Variants in RXFP2 observed in about 807,000 individuals in gnomAD.
The protein encoded by RXFP2 is relaxin receptor 2.
RXFP2 carries 68 observed loss-of-function variants against 88.6 expected under a neutral mutation model. The observed-to-expected ratio is 0.77, with a 90% confidence interval of 0.63 to 0.94. RXFP2 has a LOEUF of 0.94. Among genes scored for constraint, RXFP2 ranks in the 40% least tolerant of loss-of-function variants. RXFP2 has a pLI of 0.00. For synonymous variants in RXFP2, 329 were observed against 306.8 expected (o/e 1.07, Z -0.76); for missense variants, 791 against 893.9 (o/e 0.88, Z 1.47).
At chr13:31,760,935 G>A (rs1405412671) in intron 2 of RXFP2, among the ~76,000 whole-genome samples, 1 of 152,022 alleles carries the variant, frequency 6.6e-6, no homozygotes, top group Non-Finnish European at 1.5e-5. Flanking sequence ...TTGAGGAAAT[G>A]TTATTTTACT....
In RXFP2 at chr13:31,776,255, T is replaced by TC. The variant is rs1413165894; in HGVS notation, c.641+866_641+867insC. On this transcript the variant is annotated intron_variant, in intron 7 of 17. Transcript: ENST00000298386. ...CTTTTTTCCTTCCCTCTTTCCTTCTTTTTTTTTTTTTTTTTTTTGAGACAG... is the reference window on the plus strand; with the variant it reads ...CTTTTTTCCTTCCCTCTTTCCTTCTTCTTTTTTTTTTTTTTTTTTGAGACAG... Among the ~76,000 whole-genome samples the TC allele has an allele frequency of 4.0e-3, 371 of 91,688 alleles. 3 individuals are homozygous for TC. Among genetic ancestry groups the TC allele is most frequent in the African/African-American group, 0.015 (326 of 21,400 alleles). The allele number at this position is 91,688 out of a possible 152,430, so 60.2% of individuals were successfully genotyped here. A position where few individuals can be genotyped will look rare whatever the true frequency, so the allele number is the denominator to read the frequency against.
chr13:31,756,227 G>T lies in RXFP2; in HGVS notation c.95-2031G>T, dbSNP rs541390409. Among the ~76,000 whole-genome samples the T allele has an allele frequency of 5.9e-5, 9 of 152,342 alleles. No homozygotes were observed. The East Asian group carries it at 1.7e-3, about 29-fold the overall frequency. Reference sequence around the variant, plus strand: ...TCCTGAGGGGCTTCTCTACAAGGCAGCATTTGCTTGAAGGGCTCAGGCCTC... The same window carrying T: ...TCCTGAGGGGCTTCTCTACAAGGCATCATTTGCTTGAAGGGCTCAGGCCTC... On this transcript the variant is annotated intron_variant, in intron 1 of 17. Transcript: ENST00000298386.
intron 7 of RXFP2, among the ~76,000 whole-genome samples, chr13:31,776,103 T>TCC (rs1302046549): frequency 7.2e-3 from 36 of 5,020 alleles, no homozygotes; most frequent in African/African-American, 0.014. Flanking sequence ...TTTCTTTTCT[T>TCC]TTCTTTCTTT....
chr13:31,774,483 T>C, intron 5 of RXFP2, 137 bp from the exon 6 acceptor site: 1 of 688,428 alleles, frequency 1.5e-6, no homozygotes, highest in Non-Finnish European at 2.7e-6. Flanking sequence ...ACTGACAACA[T>C]CTCCCCAACA....
At chr13:31,775,649 T>C (rs570020899) in intron 7 of RXFP2, among the ~76,000 whole-genome samples, 63 of 152,316 alleles carry the variant, frequency 4.1e-4, no homozygotes, top group African/African-American at 1.4e-3. Flanking sequence ...TCCCAAGAGT[T>C]GTGACAACTA....
At chr13:31,746,184 A>C (rs1303863901) in intron 1 of RXFP2, among the ~76,000 whole-genome samples, 3 of 152,238 alleles carry the variant, frequency 2.0e-5, no homozygotes, top group Admixed American at 2.0e-4. Context: ...CTGCACATTT[A>C]GGAAGCAGCC....
At chr13:31,779,243 A>T (rs1254038807) in intron 9 of RXFP2, among the ~76,000 whole-genome samples, 4 of 150,842 alleles carry the variant, frequency 2.7e-5, no homozygotes, top group African/African-American at 9.8e-5. Flanking sequence ...CTCCTGCCTC[A>T]GCCTCCCGAG....
chr13:31,802,683 A>C lies in RXFP2; in HGVS notation c.*278A>C. 1 of 443,578 alleles carries C rather than the reference A, an allele frequency of 2.3e-6. No individual in the cohort carries two copies. 27.5% of individuals were successfully genotyped at this position (443,578 alleles called of 1,614,324 possible). ...CTGAGGTGCAGCTGATCTCTAGCTA[A>C]TCAACACAACCCACCAACAAATGAC... On this transcript the variant is annotated 3_prime_UTR_variant, in exon 18 of 18. Transcript: ENST00000298386.
At chr13:31,771,557 G>A (rs1872735283) in intron 5 of RXFP2, among the ~76,000 whole-genome samples, 1 of 152,182 alleles carries the variant, frequency 6.6e-6, no homozygotes, top group African/African-American at 2.4e-5. Context: ...TTCAGAGGCT[G>A]AGGCAGGTGG....
chr13:31,739,655 T>C lies in RXFP2; in HGVS notation c.43T>C (p.Leu15=), dbSNP rs773809227. ...TTTTAAACATCTCTTCAGCCTCAGA[T>C]TGATTACAATGTTCTTTCTACTTCA... ...LVFKHLFSLR[L]ITMFFLLHFI... Residue 15 remains leucine (L), a synonymous_variant, in exon 1 of 18, where the codon TTG becomes CTG. Transcript: ENST00000298386. The C allele has an allele frequency of 6.2e-7, 1 of 1,610,058 alleles. No homozygotes were observed. The highest frequency in any genetic ancestry group is 8.5e-7 in the Non-Finnish European group (1 of 1,176,304).
At chr13:31,744,031 G>A (rs958181715) in intron 1 of RXFP2, among the ~76,000 whole-genome samples, 4 of 152,092 alleles carry the variant, frequency 2.6e-5, no homozygotes, top group African/African-American at 9.7e-5. Flanking sequence ...CTCCCCAGGG[G>A]CTTCCTGGAT....
intron 5 of RXFP2, among the ~76,000 whole-genome samples, chr13:31,766,978 C>T (rs1872575427): frequency 1.3e-5 from 2 of 152,142 alleles, no homozygotes; most frequent in African/African-American, 4.8e-5. Context: ...CAAGAGAATG[C>T]TGTACACGCT....
rs995379752 is a variant in RXFP2, at chr13:31,789,069, T to C, written c.1074-53T>C. On this transcript the variant is annotated intron_variant, in intron 13 of 17. Transcript: ENST00000298386. ...ATTTCGGATATGATGAAGAATGCAATTATTAAAACGTTTCATCTCAACACC... is the reference window on the plus strand; with the variant it reads ...ATTTCGGATATGATGAAGAATGCAACTATTAAAACGTTTCATCTCAACACC... 3.7e-6 allele frequency: 4 copies of C among 1,079,440 alleles called. No homozygotes were observed. The African/African-American group carries it at 4.7e-5, about 13-fold the overall frequency. The allele number at this position is 1,079,440 out of a possible 1,614,324, so 66.9% of individuals were successfully genotyped here.
chr13:31,739,786 T>C, intron 1 of RXFP2, 80 bp downstream of exon 1: 1 of 905,912 alleles, frequency 1.1e-6, no homozygotes, highest in South Asian at 1.3e-5. Context: ...GCAGTTGTAA[T>C]AAATATATTG....
intron 17 of RXFP2, among the ~76,000 whole-genome samples, chr13:31,800,455 C>G (rs1185401672): frequency 1.3e-5 from 2 of 152,128 alleles, no homozygotes; most frequent in Admixed American, 6.5e-5. Context: ...GCCTGTAGTC[C>G]CAGCTACTCA....
rs1874423743 is a variant in RXFP2 at position 31,802,849 on chromosome 13, C to T, written c.*444C>T. On this transcript the variant is annotated 3_prime_UTR_variant, in exon 18 of 18. Coordinates refer to ENST00000298386, the MANE Select transcript of RXFP2 (RefSeq NM_130806.5). ...TTGCCTTTTCAATATCAAATAAAACCATCAGCATCCTGCTGGATTGATAGC... is the reference window on the plus strand; with the variant it reads ...TTGCCTTTTCAATATCAAATAAAACTATCAGCATCCTGCTGGATTGATAGC... The T allele has an allele frequency of 5.7e-6, 1 of 175,484 alleles. No individual in the cohort carries two copies. The highest frequency in any genetic ancestry group is 1.2e-5 in the Non-Finnish European group (1 of 81,226). 10.9% of individuals were successfully genotyped at this position (175,484 alleles called of 1,614,324 possible). A position where few individuals can be genotyped will look rare whatever the true frequency, so the allele number is the denominator to read the frequency against.
chr13:31,746,071 A>G (rs1470161112), intron 1 of RXFP2, among the ~76,000 whole-genome samples: 2 of 152,232 alleles, frequency 1.3e-5, no homozygotes, highest in East Asian at 3.8e-4. Context: ...CAATACTTAC[A>G]TAATTATCGA....
At position 31,802,779 on chromosome 13, in the gene RXFP2, T is replaced by A. The variant is rs1173467189; in HGVS notation, c.*374T>A. On this transcript the variant is annotated 3_prime_UTR_variant, in exon 18 of 18. Transcript: ENST00000298386. Reference sequence around the variant, plus strand: ...ATGAAATAGAAACACTCACAACATCTGATTCCAGTGTGGCCATAATAACAG... The same window carrying A: ...ATGAAATAGAAACACTCACAACATCAGATTCCAGTGTGGCCATAATAACAG... The A allele has an allele frequency of 4.8e-6, 1 of 207,518 alleles. No individual in the cohort carries two copies. Among genetic ancestry groups the A allele is most frequent in the African/African-American group, 2.3e-5 (1 of 43,250 alleles). 12.9% of individuals were successfully genotyped at this position (207,518 alleles called of 1,614,324 possible).
chr13:31,739,924 T>C (rs577154577), intron 1 of RXFP2, among the ~76,000 whole-genome samples: 16 of 152,300 alleles, frequency 1.1e-4, no homozygotes, highest in African/African-American at 3.4e-4. Context: ...AGCCTTTGTA[T>C]GTTATTAAAG....
Sources: allele counts gnomAD v4.1 joint callset (sites outside exome capture counted in the v4.1 genomes callset), GRCh38; gene constraint gnomAD v4.1.1; transcripts MANE v1.5; gene names NCBI Gene and HGNC (gene_info 2026-07-23, HGNC 2026-07-21).